Variants in SPINK4 observed in about 807,000 individuals in gnomAD.
SPINK4 encodes serine protease inhibitor Kazal-type 4.
Under a neutral mutation model 12.3 loss-of-function variants are expected in SPINK4, and 10 were observed. The observed-to-expected ratio is 0.81, with a 90% confidence interval of 0.50 to 1.37. The LOEUF is 1.37. Among genes scored for constraint, SPINK4 ranks in the 40% most tolerant of loss-of-function variants. The pLI, the probability that SPINK4 is intolerant of heterozygous loss-of-function variation, is 0.00. For synonymous variants in SPINK4, 37 were observed against 40.2 expected (o/e 0.92, Z 0.30); for missense variants, 91 against 109.0 (o/e 0.84, Z 0.73).
rs1564074242 is a variant in SPINK4 at position 33,246,602 on chromosome 9, C to G, written c.103-14C>G. ...CTGAATCCCTGAGTCCTCTCCCTCC[C>G]TTCTCTTCCACAGCCCATCTGTGAA... On this transcript the variant is annotated splice_polypyrimidine_tract_variant and intron_variant, in intron 2 of 3. Transcript: ENST00000379721. The G allele has an allele frequency of 6.2e-7, 1 of 1,610,082 alleles. No homozygotes were observed. The highest frequency in any genetic ancestry group is 1.7e-5 in the Admixed American group (1 of 60,000).
At chr9:33,247,655 G>A (rs1162960769) in intron 3 of SPINK4, among the ~76,000 whole-genome samples, 1 of 152,224 alleles carries the variant, frequency 6.6e-6, no homozygotes, top group African/African-American at 2.4e-5. Context: ...GAATCAGGGA[G>A]AGGCAAGAAG....
rs112393699 is a variant in SPINK4, at chr9:33,245,005, G to A, written c.62-107G>A. On this transcript the variant is annotated intron_variant, in intron 1 of 3. Coordinates refer to ENST00000379721, the MANE Select transcript of SPINK4 (RefSeq NM_014471.3). ...ATCACCTTTCCTTGAGGAATTCCAG[G>A]TTGGGTAGTTGCTGGACCAAGCTCC... 7.2e-5 allele frequency: 74 copies of A among 1,032,950 alleles called. 1 individual carries two copies. The African/African-American group carries it at 1.0e-3, about 14-fold the overall frequency. 64.0% of individuals were successfully genotyped at this position (1,032,950 alleles called of 1,614,324 possible).
At chr9:33,244,942 C>G (rs1316675167) in intron 1 of SPINK4, among the ~76,000 whole-genome samples, 170 bp from the exon 2 acceptor site, 2 of 152,190 alleles carry the variant, frequency 1.3e-5, no homozygotes, top group Non-Finnish European at 2.9e-5. Flanking sequence ...AACCCAAGAT[C>G]ACATCAGCTT....
chr9:33,248,527 G>A lies in SPINK4; in HGVS notation c.*56G>A, dbSNP rs1820308676. ...TCAGCTGGAGAACAGTGGTGGGCAT[G>A]GAGAGGATATGACATGAAATAAAAG... On this transcript the variant is annotated 3_prime_UTR_variant, in exon 4 of 4. Coordinates refer to ENST00000379721, the MANE Select transcript of SPINK4 (RefSeq NM_014471.3). The A allele has an allele frequency of 6.3e-7, 1 of 1,598,418 alleles. No homozygotes were observed. The highest frequency in any genetic ancestry group is 8.6e-7 in the Non-Finnish European group (1 of 1,167,838).
In SPINK4 at chr9:33,245,095, GCTT is replaced by G. The variant is rs1485047160; in HGVS notation, c.62-13_62-11del. 1 of 1,612,956 alleles carries G rather than the reference GCTT, an allele frequency of 6.2e-7. No individual in the cohort carries two copies. The highest frequency in any genetic ancestry group is 8.5e-7 in the Non-Finnish European group (1 of 1,179,530). ...CTAGAGCCGGCATAATCTAATTCTTGCTTCTTTGTGTTTCAGAAGTGCCAGTGG... is the reference window on the plus strand; with the variant it reads ...CTAGAGCCGGCATAATCTAATTCTTGCTTTGTGTTTCAGAAGTGCCAGTGG... On this transcript the variant is annotated splice_polypyrimidine_tract_variant and intron_variant, in intron 1 of 3. Transcript: ENST00000379721.
At chr9:33,240,657 G>A (rs1820224770) in intron 1 of SPINK4, among the ~76,000 whole-genome samples, 1 of 152,216 alleles carries the variant, frequency 6.6e-6, no homozygotes, top group Non-Finnish European at 1.5e-5. Context: ...TGGATGCTAA[G>A]AGAGACCTGG....
rs903428163 is a variant in SPINK4, at chr9:33,246,647, C to A, written c.134C>A (p.Thr45Asn). The change falls in exon 3 of 4, where the codon ACC becomes AAC. Residue 45 changes from threonine (T) to asparagine (N), a missense_variant. Thr to Asn is a moderately conservative substitution (Grantham distance 65). Coordinates refer to ENST00000379721, the MANE Select transcript of SPINK4 (RefSeq NM_014471.3). ...TGTGAACACATGGTAGAGTCTCCAACCTGTTCCCAGATGTCCAACCTGGTC... is the reference window on the plus strand; with the variant it reads ...TGTGAACACATGGTAGAGTCTCCAAACTGTTCCCAGATGTCCAACCTGGTC... ...PICEHMVESP[T>N]CSQMSNLVCG... The A allele has an allele frequency of 1.9e-6, 3 of 1,614,080 alleles. No individual in the cohort carries two copies. The highest frequency in any genetic ancestry group is 1.7e-6 in the Non-Finnish European group (2 of 1,180,006).
chr9:33,244,716 CACT>C (rs1820269263), intron 1 of SPINK4, among the ~76,000 whole-genome samples: 1 of 152,204 alleles, frequency 6.6e-6, no homozygotes, highest in African/African-American at 2.4e-5. Flanking sequence ...ACACAGCATC[CACT>C]ACTATCTCCT....
In SPINK4 at chr9:33,240,334, G is replaced by C. The variant is rs180718037; in HGVS notation, c.61+65G>C. The C allele has an allele frequency of 1.1e-4, 160 of 1,476,984 alleles. 1 individual carries two copies. The East Asian group carries it at 3.4e-3, about 31-fold the overall frequency. The allele number at this position is 1,476,984 out of a possible 1,614,324, so 91.5% of individuals were successfully genotyped here. On this transcript the variant is annotated intron_variant, in intron 1 of 3. Transcript: ENST00000379721. The stretch of plus-strand genomic sequence containing the variant: ...GGTAGGTGAGCTTGGGGTGAGAGCA[G>C]AAGCAGGGCCTGGAGCACCCTGTGA...
chr9:33,244,841 T>C (rs951601558), intron 1 of SPINK4, among the ~76,000 whole-genome samples: 1 of 152,204 alleles, frequency 6.6e-6, no homozygotes, highest in Non-Finnish European at 1.5e-5. Flanking sequence ...AATTATTATA[T>C]GGGACACAAC....
chr9:33,243,542 T>A (rs1172839483), intron 1 of SPINK4, among the ~76,000 whole-genome samples: 1 of 152,220 alleles, frequency 6.6e-6, no homozygotes, highest in Non-Finnish European at 1.5e-5. Context: ...ATAGGGTATA[T>A]AATCTTTTGT....
intron 1 of SPINK4, among the ~76,000 whole-genome samples, chr9:33,242,561 C>A (rs527804546): frequency 3.3e-5 from 5 of 151,818 alleles, no homozygotes; most frequent in African/African-American, 1.2e-4. Context: ...GGTCAGCTTA[C>A]GCAGTACCCT....
chr9:33,248,163 C>T (rs958034094), intron 3 of SPINK4: 22 of 511,064 alleles, frequency 4.3e-5, no homozygotes, highest in Non-Finnish European at 7.4e-5. Context: ...GACATAGGTC[C>T]GAGCTGGAGA....
intron 1 of SPINK4, among the ~76,000 whole-genome samples, chr9:33,243,338 G>A (rs547960081): frequency 6.0e-4 from 91 of 152,166 alleles, no homozygotes; most frequent in African/African-American, 2.1e-3. Flanking sequence ...TTCCCAAAGC[G>A]CTGGGATTAC....
intron 3 of SPINK4, among the ~76,000 whole-genome samples, chr9:33,247,324 ATT>A (rs796700873): frequency 1.3e-4 from 18 of 140,014 alleles, no homozygotes; most frequent in East Asian, 2.1e-4. Context: ...CACCTGGCTA[ATT>A]TTTTTTTTTT....
At chr9:33,247,702 T>C (rs947299630) in intron 3 of SPINK4, 1 of 152,268 alleles carries the variant, frequency 6.6e-6, no homozygotes, top group Non-Finnish European at 1.5e-5. Flanking sequence ...GAACATGACC[T>C]CCCTACATCA....
chr9:33,245,075 G>A (rs1418380856), intron 1 of SPINK4, 37 bp from the exon 2 acceptor site: 1 of 1,609,516 alleles, frequency 6.2e-7, no homozygotes, highest in South Asian at 1.1e-5. Context: ...GGGGTCTAGA[G>A]CCGGCATAAT....
intron 3 of SPINK4, among the ~76,000 whole-genome samples, chr9:33,247,547 T>C (rs897220550): frequency 3.5e-4 from 54 of 152,150 alleles, no homozygotes; most frequent in African/African-American, 1.2e-3. Flanking sequence ...CAAGGGAAGA[T>C]AATTCCAAGT....
At chr9:33,247,292 G>A (rs1371118252) in intron 3 of SPINK4, among the ~76,000 whole-genome samples, 1 of 151,158 alleles carries the variant, frequency 6.6e-6, no homozygotes, top group African/African-American at 2.4e-5. Flanking sequence ...CGAATAGCTG[G>A]GATTACAGGC....
Sources: gnomAD v4.1 joint callset for allele counts (sites outside exome capture counted in the v4.1 genomes callset) on GRCh38, gnomAD v4.1.1 for gene constraint, MANE v1.5 for transcripts, NCBI Gene and HGNC (gene_info 2026-07-23, HGNC 2026-07-21) for gene names.